The following PARP6 variants were observed in gnomAD, a reference collection of about 807,000 sequenced individuals.
The protein encoded by PARP6 is poly(ADP-ribose) polymerase family member 6.
Under a neutral mutation model 92.0 loss-of-function variants are expected in PARP6, and 27 were observed. The ratio of observed to expected loss-of-function variants is 0.29; its 90% CI spans 0.22 to 0.40. PARP6 has a LOEUF of 0.40. PARP6 is among the 10% of genes least tolerant of loss of function. PARP6 has a pLI of 1.00. For synonymous variants in PARP6, 272 were observed against 281.2 expected (o/e 0.97, Z 0.33); for missense variants, 501 against 784.5 (o/e 0.64, Z 4.32).
chr15:72,264,166 A>ATGTT (rs2086260987), intron 8 of PARP6, among the ~76,000 whole-genome samples: 1 of 152,218 alleles, frequency 6.6e-6, no homozygotes, highest in African/African-American at 2.4e-5. Flanking sequence ...TGAGAGTGGA[A>ATGTT]AATATGCTTC....
intron 20 of PARP6, among the ~76,000 whole-genome samples, chr15:72,247,832 G>A (rs1214116254): frequency 6.6e-6 from 1 of 151,784 alleles, no homozygotes; most frequent in African/African-American, 2.4e-5. Flanking sequence ...GTCTAGGCTG[G>A]AGTGCACTGG....
chr15:72,241,532 C>T lies in PARP6; in HGVS notation c.1816G>A (p.Ala606Thr), dbSNP rs2083056344. 1.2e-6 allele frequency: 2 copies of T among 1,613,810 alleles called. No individual in the cohort carries two copies. Among genetic ancestry groups the T allele is most frequent in the Non-Finnish European group, 1.7e-6 (2 of 1,179,706 alleles). Residue 606 changes from alanine to threonine, a missense_variant, in exon 24 of 24, where the codon GCC (alanine) becomes ACC (threonine). Ala to Thr is a moderately conservative substitution (Grantham distance 58). Coordinates refer to ENST00000569795, the MANE Select transcript of PARP6 (RefSeq NM_001323532.2). The surrounding 1 kb of genome is among the most constrained non-coding windows in gnomAD (Gnocchi z 4.1). ...FVYEDGQVGDANINTQDPKIQ... is the reference protein window; with the variant it reads ...FVYEDGQVGDTNINTQDPKIQ... ...TTGGGGTCCTGAGTATTAATGTTGG[C>T]ATCGCCCACCTGACCATCCTCATAT...
intron 2 of PARP6, among the ~76,000 whole-genome samples, chr15:72,270,608 T>C (rs993731447): frequency 6.6e-6 from 1 of 152,194 alleles, no homozygotes; most frequent in Non-Finnish European, 1.5e-5. Flanking sequence ...AGAGCCTTTG[T>C]CCCTGCTGTT....
chr15:72,258,033 A>T lies in PARP6; in HGVS notation c.906+4T>A. ...GAAGAGGGTCATAGAGTACGGTCCT[A>T]TACCTTCAGCATAGATCCATTTTGG... On this transcript the variant is annotated splice_donor_region_variant and intron_variant, in intron 12 of 23. Coordinates refer to ENST00000569795, the MANE Select transcript of PARP6 (RefSeq NM_001323532.2). 1 of 1,602,082 alleles carries T rather than the reference A, an allele frequency of 6.2e-7. No homozygotes were observed. The highest frequency in any genetic ancestry group is 8.6e-7 in the Non-Finnish European group (1 of 1,169,028).
At chr15:72,267,205 C>G in intron 3 of PARP6, 2 of 564,258 alleles carry the variant, frequency 3.5e-6, no homozygotes, top group Non-Finnish European at 6.4e-6. Flanking sequence ...TTACCTAAGA[C>G]AGTTCCCAAG....
Position 72,260,625 on chromosome 15 carries a change from A to C in PARP6, c.609T>G (p.Leu203=), listed in dbSNP as rs745735059. 1 of 1,614,154 alleles carries C rather than the reference A, an allele frequency of 6.2e-7. No individual in the cohort carries two copies. The highest frequency in any genetic ancestry group is 1.1e-5 in the South Asian group (1 of 91,080). The change falls in exon 10 of 24, where the codon CTT becomes CTG. Residue 203 remains leucine, a synonymous_variant. Coordinates refer to ENST00000569795, the MANE Select transcript of PARP6 (RefSeq NM_001323532.2). ...MLKGKLGVPE[L]RVGRLMNRSI... ...AACGGTTCATGAGGCGCCCAACCCG[A>C]AGCTCTGGTACACCTAGTTTGCCTT...
chr15:72,264,099 C>A (rs1441701421), intron 8 of PARP6, among the ~76,000 whole-genome samples: 3 of 152,022 alleles, frequency 2.0e-5, no homozygotes, highest in African/African-American at 7.3e-5. Context: ...CTTTCTAAAC[C>A]TTACATATTC....
At position 72,257,450 on chromosome 15, in the gene PARP6, T is replaced by C. The variant is rs201364096; in HGVS notation, c.907-10A>G. 25 of 1,608,416 alleles carry C rather than the reference T, an allele frequency of 1.6e-5. No homozygotes were observed. The Admixed American group carries it at 4.0e-4, about 26-fold the overall frequency. On this transcript the variant is annotated splice_polypyrimidine_tract_variant and intron_variant, in intron 12 of 23. Transcript: ENST00000569795. The stretch of plus-strand genomic sequence containing the variant: ...GAGTACAGACAGCTGGCTGAAAGGA[T>C]ATATTAAACAGATGGTGGTGGGATG...
chr15:72,267,498 A>T lies in PARP6; in HGVS notation c.-21T>A. 2 of 1,613,716 alleles carry T rather than the reference A, an allele frequency of 1.2e-6. No homozygotes were observed. The highest frequency in any genetic ancestry group is 1.7e-6 in the Non-Finnish European group (2 of 1,179,812). ...ACCATTGGGTCAGTGGGTCACACAC[A>T]CTCTCAGGTCAGTGCTAGGCAGCAC... On this transcript the variant is annotated 5_prime_UTR_variant, in exon 3 of 24. Transcript: ENST00000569795.
Position 72,257,351 on chromosome 15 carries a change from T to C in PARP6, c.996A>G (p.Ala332=). The C allele has an allele frequency of 6.2e-7, 1 of 1,611,960 alleles. No homozygotes were observed. Among genetic ancestry groups the C allele is most frequent in the South Asian group, 1.1e-5 (1 of 91,042 alleles). ...GCCACGTTTCCCTCCCCCATACCTCTGCTCCAGTGGCCACCTCCTCTGCAG... is the reference window on the plus strand; with the variant it reads ...GCCACGTTTCCCTCCCCCATACCTCCGCTCCAGTGGCCACCTCCTCTGCAG... ...SGAAEEVATG[A]EVVDLLVAMC... The change falls in exon 13 of 24, where the codon GCA becomes GCG. Residue 332 remains alanine, a synonymous_variant. Coordinates refer to ENST00000569795, the MANE Select transcript of PARP6 (RefSeq NM_001323532.2).
At position 72,261,855 on chromosome 15, in the gene PARP6, G is replaced by A. The variant is rs1010145254; in HGVS notation, c.396-148C>T. 19 of 744,096 alleles carry A rather than the reference G, an allele frequency of 2.6e-5. No individual in the cohort carries two copies. The African/African-American group carries it at 3.0e-4, about 12-fold the overall frequency. The allele number at this position is 744,096 out of a possible 1,614,324, so 46.1% of individuals were successfully genotyped here. On this transcript the variant is annotated intron_variant, in intron 8 of 23. Transcript: ENST00000569795. Reference sequence around the variant, plus strand: ...TGTGTATCTGAAGACCCCTTTAAATGACCTTAGTAAATAAAAAAATCACCA... The same window carrying A: ...TGTGTATCTGAAGACCCCTTTAAATAACCTTAGTAAATAAAAAAATCACCA...
chr15:72,256,344 A>T, intron 14 of PARP6, 121 bp downstream of exon 14: 1 of 746,694 alleles, frequency 1.3e-6, no homozygotes, highest in Non-Finnish European at 1.9e-6. Context: ...CAGCTAAATC[A>T]CAGAGTTTAA....
At chr15:72,247,049 C>T (rs1018033610) in intron 20 of PARP6, among the ~76,000 whole-genome samples, 7 of 152,034 alleles carry the variant, frequency 4.6e-5, no homozygotes, top group African/African-American at 9.7e-5. Context: ...TGAGCCACTG[C>T]GCCCAGCCAA....
At chr15:72,261,911 C>T (rs1242750006) in intron 8 of PARP6, among the ~76,000 whole-genome samples, 2 of 152,160 alleles carry the variant, frequency 1.3e-5, no homozygotes, top group South Asian at 2.1e-4. Flanking sequence ...CTAGAGGGCA[C>T]CTAGCCTAAT....
At chr15:72,259,534 C>A in intron 11 of PARP6, 74 bp downstream of exon 11, 1 of 1,141,500 alleles carries the variant, frequency 8.8e-7, no homozygotes, top group Non-Finnish European at 1.3e-6. Flanking sequence ...GATTGAGGAG[C>A]TGGGAGGTGT....
In PARP6 at chr15:72,264,587, C is replaced by T. The variant is rs1418571807; in HGVS notation, c.363G>A (p.Lys121=). The change falls in exon 8 of 24, where the codon AAG becomes AAA. Residue 121 remains lysine, a synonymous_variant. Transcript: ENST00000569795. ...ACTGAAGACCCAGCCCAAATCCTTCCTTATTTGATGGCTGGAAAACCTCAA... is the reference window on the plus strand; with the variant it reads ...ACTGAAGACCCAGCCCAAATCCTTCTTTATTTGATGGCTGGAAAACCTCAA... ...PSIEVFQPSN[K]EGFGLGLQLK... 1.2e-6 allele frequency: 2 copies of T among 1,614,032 alleles called. No homozygotes were observed.
intron 2 of PARP6, among the ~76,000 whole-genome samples, chr15:72,269,855 C>T (rs577151577): frequency 2.1e-5 from 3 of 145,188 alleles, no homozygotes; most frequent in African/African-American, 5.1e-5. Context: ...GCCAAGACTG[C>T]GCCATTGCAC....
intron 4 of PARP6, among the ~76,000 whole-genome samples, chr15:72,266,526 G>A (rs1352068205): frequency 1.3e-5 from 2 of 152,154 alleles, no homozygotes; most frequent in East Asian, 3.9e-4. Context: ...GATATGGGTA[G>A]TCTCCACATA....
chr15:72,246,778 G>A (rs751394639), intron 20 of PARP6, among the ~76,000 whole-genome samples: 16 of 147,424 alleles, frequency 1.1e-4, no homozygotes, highest in Non-Finnish European at 1.6e-4. Flanking sequence ...TTTTTGAGAT[G>A]GAGTCTTGCT....
Sources: gnomAD v4.1 joint callset for allele counts (sites outside exome capture counted in the v4.1 genomes callset) on GRCh38, gnomAD v4.1.1 for gene constraint, Gnocchi (gnomAD v3.1) non-coding constraint, MANE v1.5 for transcripts, NCBI Gene and HGNC (gene_info 2026-07-23, HGNC 2026-07-21) for gene names.